Variants in BBS4 observed in about 807,000 individuals in gnomAD.
BBS4 encodes the protein Bardet-Biedl syndrome 4.
In BBS4, 58 loss-of-function variants were observed where a neutral mutation model predicts 71.4. The observed-to-expected ratio is 0.81, with a 90% confidence interval of 0.66 to 1.01. The LOEUF (loss-of-function observed/expected upper bound fraction) is 1.01, where lower values mean the gene tolerates loss of function less well. BBS4 is among the 50% of genes least tolerant of loss of function. The pLI, the probability that BBS4 is intolerant of heterozygous loss-of-function variation, is 0.00. For missense variants in BBS4, 660 were observed against 607.9 expected (o/e 1.09, Z -0.90); for synonymous variants, 228 against 216.8 (o/e 1.05, Z -0.46).
At position 72,731,610 on chromosome 15, in the gene BBS4, T is replaced by G; in HGVS notation, c.920T>G (p.Leu307Arg). The change falls in exon 12 of 16, where the codon CTG becomes CGG. Residue 307 changes from leucine to arginine, a missense_variant. Physicochemically the swap from Leu to Arg is moderately radical, Grantham distance 102 (BLOSUM62 -2). Coordinates refer to ENST00000268057, the MANE Select transcript of BBS4 (RefSeq NM_033028.5). The part of the protein sequence containing the change: ...NYLAPFDWKI[L>R]YNLGLVHLTM... ...TTGGCACCCTTTGATTGGAAGATTC[T>G]GTATAATTTGGGCCTTGTCCATTTG... 1.9e-6 allele frequency: 3 copies of G among 1,614,224 alleles called. No homozygotes were observed. Among genetic ancestry groups the G allele is most frequent in the Non-Finnish European group, 2.5e-6 (3 of 1,180,042 alleles).
intron 2 of BBS4, 37 bp downstream of exon 2, chr15:72,695,265 CA>C: frequency 7.5e-7 from 1 of 1,337,706 alleles, no homozygotes; most frequent in Admixed American, 1.9e-5. Context: ...TATGTTTGCA[CA>C]GACAGATTTC....
chr15:72,735,305 T>C (rs539663609), intron 13 of BBS4, 123 bp downstream of exon 13: 15 of 751,888 alleles, frequency 2.0e-5, no homozygotes, highest in Admixed American at 4.0e-5. Flanking sequence ...CATTAGTACA[T>C]AGCAGACCTC....
intron 6 of BBS4, among the ~76,000 whole-genome samples, chr15:72,719,635 A>G (rs1271931070): frequency 6.6e-6 from 1 of 152,086 alleles, no homozygotes; most frequent in East Asian, 1.9e-4. Flanking sequence ...GGGGAATGGA[A>G]CGTATTTCTT....
At chr15:72,720,675 G>C (rs544504716) in intron 6 of BBS4, among the ~76,000 whole-genome samples, 1 of 152,076 alleles carries the variant, frequency 6.6e-6, no homozygotes, top group African/African-American at 2.4e-5. Flanking sequence ...GGCTTTGGAA[G>C]ATGGAAGTTG....
intron 1 of BBS4, among the ~76,000 whole-genome samples, chr15:72,693,984 A>G (rs1228851603): frequency 1.3e-5 from 2 of 151,836 alleles, no homozygotes; most frequent in African/African-American, 2.4e-5. Context: ...TTCTGGGTTC[A>G]AGCGATTTTC....
chr15:72,697,467 T>C lies in BBS4; in HGVS notation c.76+2239T>C, dbSNP rs560399810. 1.0e-3 allele frequency among the ~76,000 whole-genome samples: 154 copies of C among 152,178 alleles called. 2 individuals are homozygous for C. The highest frequency in any genetic ancestry group is 2.0e-3 in the Non-Finnish European group (135 of 68,018). On this transcript the variant is annotated intron_variant, in intron 2 of 15. Transcript: ENST00000268057. Reference sequence around the variant, plus strand: ...GTATATTGTAGGATGGTTAACAACATCCCTGGCTTCTACCTGGTAGATGAC... The same window carrying C: ...GTATATTGTAGGATGGTTAACAACACCCCTGGCTTCTACCTGGTAGATGAC...
chr15:72,721,714 G>A (rs974990121), intron 6 of BBS4, among the ~76,000 whole-genome samples: 1 of 152,170 alleles, frequency 6.6e-6, no homozygotes, highest in Non-Finnish European at 1.5e-5. Flanking sequence ...TAAATCAGTT[G>A]TTATCTCTGA....
At chr15:72,737,160 C>T (rs2065942523) in intron 15 of BBS4, 197 bp downstream of exon 15, 3 of 673,804 alleles carry the variant, frequency 4.5e-6, no homozygotes, top group Non-Finnish European at 7.7e-6. Flanking sequence ...TAGGTAACAG[C>T]TACTCACAGA....
chr15:72,725,057 TAG>T (rs71137311), intron 8 of BBS4, among the ~76,000 whole-genome samples: 392 of 127,648 alleles, frequency 3.1e-3, no homozygotes, highest in African/African-American at 9.5e-3. Flanking sequence ...TATATATATA[TAG>T]AGAGAGAGAG....
chr15:72,695,412 C>T (rs754138715), intron 2 of BBS4, among the ~76,000 whole-genome samples, 184 bp downstream of exon 2: 7 of 152,044 alleles, frequency 4.6e-5, no homozygotes, highest in East Asian at 1.9e-4. Context: ...CTCAGCCTCC[C>T]GAGTAGCTGG....
Position 72,709,790 on chromosome 15 carries a change from G to T in BBS4, c.156+11G>T. 1 of 1,607,560 alleles carries T rather than the reference G, an allele frequency of 6.2e-7. No homozygotes were observed. Among genetic ancestry groups the T allele is most frequent in the Non-Finnish European group, 8.5e-7 (1 of 1,174,648 alleles). On this transcript the variant is annotated intron_variant, in intron 3 of 15. Coordinates refer to ENST00000268057, the MANE Select transcript of BBS4 (RefSeq NM_033028.5). The stretch of plus-strand genomic sequence containing the variant: ...TATGAAGCCTGCAAGGTAAGAGATT[G>T]CCATAATAATAAAAATGAGAGGCAG...
At chr15:72,698,459 AG>A (rs1433335882) in intron 2 of BBS4, among the ~76,000 whole-genome samples, 7 of 152,266 alleles carry the variant, frequency 4.6e-5, no homozygotes, top group African/African-American at 1.7e-4. Context: ...TGACTATTCT[AG>A]GTTTTTCATG....
chr15:72,736,585 T>C (rs1229953371), intron 14 of BBS4, among the ~76,000 whole-genome samples, 177 bp from the exon 15 acceptor site: 1 of 152,178 alleles, frequency 6.6e-6, no homozygotes, highest in Non-Finnish European at 1.5e-5. Context: ...TGAACCACCA[T>C]GCCATCCAGT....
chr15:72,709,275 T>C (rs1362305464), intron 2 of BBS4, among the ~76,000 whole-genome samples: 1 of 152,216 alleles, frequency 6.6e-6, no homozygotes, highest in Admixed American at 6.5e-5. Context: ...CTGACGCTTA[T>C]AGAAAATAGA....
At chr15:72,735,048 AGTCTTT>A (rs2065893609) in intron 12 of BBS4, 59 bp from the exon 13 acceptor site, 1 of 1,175,498 alleles carries the variant, frequency 8.5e-7, no homozygotes, top group Non-Finnish European at 1.3e-6. Context: ...CTTTGGGGGT[AGTCTTT>A]AATACTCCTT....
intron 1 of BBS4, among the ~76,000 whole-genome samples, chr15:72,693,491 T>C (rs2065022241): frequency 6.6e-6 from 1 of 152,200 alleles, no homozygotes; most frequent in African/African-American, 2.4e-5. Flanking sequence ...TTGTGGGCTT[T>C]GTGGGCCATA....
chr15:72,730,737 T>C (rs1299169633), intron 10 of BBS4, among the ~76,000 whole-genome samples: 1 of 152,228 alleles, frequency 6.6e-6, no homozygotes, highest in East Asian at 1.9e-4. Flanking sequence ...ACAAGCTGTT[T>C]ATTAAAGGAT....
intron 9 of BBS4, among the ~76,000 whole-genome samples, chr15:72,728,307 G>A (rs1187429882): frequency 6.6e-6 from 1 of 152,064 alleles, no homozygotes; most frequent in Non-Finnish European, 1.5e-5. Context: ...AGACCAGCCT[G>A]GGTAACATAG....
intron 2 of BBS4, among the ~76,000 whole-genome samples, chr15:72,706,077 G>C (rs2065259830): frequency 6.6e-6 from 1 of 152,062 alleles, no homozygotes; most frequent in Non-Finnish European, 1.5e-5. Flanking sequence ...AGAGGACTGG[G>C]TCATGCAGTT....
Sources: allele counts gnomAD v4.1 joint callset (sites outside exome capture counted in the v4.1 genomes callset), GRCh38; gene constraint gnomAD v4.1.1; transcripts MANE v1.5; gene names NCBI Gene and HGNC (gene_info 2026-07-23, HGNC 2026-07-21).